The following SLC24A2 variants were observed in gnomAD, a reference collection of about 807,000 sequenced individuals.
SLC24A2 encodes sodium/potassium/calcium exchanger 2.
A neutral mutation model predicts 62.0 loss-of-function variants in SLC24A2; 36 were observed. The observed-to-expected ratio is 0.58, with a 90% CI of 0.44 to 0.77. SLC24A2 has a LOEUF of 0.77. Among genes scored for constraint, SLC24A2 ranks in the 30% least tolerant of loss-of-function variants. SLC24A2 has a pLI of 0.00. For synonymous variants in SLC24A2, 358 were observed against 294.0 expected, an observed-to-expected ratio of 1.22 and a Z score of -2.23; for missense variants, 846 against 817.9, an observed-to-expected ratio of 1.03 and a Z score of -0.42.
At chr9:19,615,994 GCACA>G (rs3220155) in intron 4 of SLC24A2, among the ~76,000 whole-genome samples, 58,332 of 140,582 alleles carry the variant, frequency 0.41, 12,543 homozygotes, top group Admixed American at 0.51. Flanking sequence ...TCACAGGCGT[GCACA>G]CACACACACA....
chr9:20,181,823 G>C, the SLC24A2 span, among the ~76,000 whole-genome samples: 1 of 152,170 alleles, frequency 6.6e-6, no homozygotes, highest in South Asian at 2.1e-4. Context: ...CACAGCAAAA[G>C]AAATTATCAG....
intron 9 of SLC24A2, 33 bp downstream of exon 9, chr9:19,528,012 AAAAC>A: frequency 7.7e-7 from 1 of 1,300,124 alleles, no homozygotes; most frequent in Non-Finnish European, 1.1e-6. Context: ...GGACTGGAGA[AAAAC>A]AAGGCAGAGG....
intron 2 of SLC24A2, among the ~76,000 whole-genome samples, chr9:19,637,187 A>C (rs1358367259): frequency 6.6e-6 from 1 of 152,242 alleles, no homozygotes; most frequent in Non-Finnish European, 1.5e-5. Flanking sequence ...AGAACAGAGT[A>C]GAAGGCAGCA....
At position 19,732,208 on chromosome 9, in the gene SLC24A2, C is replaced by G. The variant is rs1025868914; in HGVS notation, c.930+53729G>C. 2.6e-5 allele frequency among the ~76,000 whole-genome samples: 4 copies of G among 152,286 alleles called. No individual in the cohort carries two copies. The South Asian group carries it at 6.2e-4, about 24-fold the overall frequency. ...CTATGGTCAGCCCAGCCCCTGACCC[C>G]TAGTGGGCACATTATGTCTGCTGCC... On this transcript the variant is annotated intron_variant, in intron 2 of 10. Transcript: ENST00000341998.
intron 2 of SLC24A2, among the ~76,000 whole-genome samples, chr9:19,626,209 A>C (rs1480708294): frequency 6.6e-6 from 1 of 152,206 alleles, no homozygotes; most frequent in Non-Finnish European, 1.5e-5. Context: ...GGATCTTTGT[A>C]CATAGCCTTT....
intron 9 of SLC24A2, among the ~76,000 whole-genome samples, chr9:19,523,909 A>G (rs148431868): frequency 1.4e-3 from 213 of 152,298 alleles, no homozygotes; most frequent in African/African-American, 5.0e-3. Flanking sequence ...ATTAGACATC[A>G]AACCCCTGGT....
the SLC24A2 span, among the ~76,000 whole-genome samples, chr9:19,868,221 A>G: frequency 6.6e-6 from 1 of 152,158 alleles, no homozygotes; most frequent in East Asian, 1.9e-4. Context: ...CATTAATTCA[A>G]TGTATTTTTG....
At chr9:19,581,403 A>C (rs998032575) in intron 5 of SLC24A2, among the ~76,000 whole-genome samples, 1 of 152,002 alleles carries the variant, frequency 6.6e-6, no homozygotes, top group African/African-American at 2.4e-5. Flanking sequence ...AGCAAAATGG[A>C]TTTGCTCAAA....
chr9:19,550,005 T>A (rs1315882474), intron 8 of SLC24A2, 132 bp downstream of exon 8: 3 of 856,500 alleles, frequency 3.5e-6, no homozygotes, highest in Non-Finnish European at 5.9e-6. Flanking sequence ...TTGTACCTAT[T>A]TATGGGGTAT....
the SLC24A2 span, among the ~76,000 whole-genome samples, chr9:19,821,493 G>A: frequency 6.6e-6 from 1 of 152,038 alleles, no homozygotes; most frequent in South Asian, 2.1e-4. Context: ...AACGAGAACA[G>A]GACTGGCTGA....
Position 19,507,560 on chromosome 9 carries a change from T to C in SLC24A2, c.*8593A>G, listed in dbSNP as rs1832546572. On this transcript the variant is annotated 3_prime_UTR_variant, in exon 11 of 11. Coordinates refer to ENST00000341998, the MANE Select transcript of SLC24A2 (RefSeq NM_020344.4). ...ATTATCAGTAGTAGAAGCACAAAGGTATGGACAGTGAAACAAGAAGAAACA... is the reference window on the plus strand; with the variant it reads ...ATTATCAGTAGTAGAAGCACAAAGGCATGGACAGTGAAACAAGAAGAAACA... 6.6e-6 allele frequency: 1 copy of C among 152,162 alleles called. No individual in the cohort carries two copies. The highest frequency in any genetic ancestry group is 2.4e-5 in the African/African-American group (1 of 41,430). 9.4% of individuals were successfully genotyped at this position (152,162 alleles called of 1,614,324 possible).
chr9:20,019,263 GAA>G, the SLC24A2 span, among the ~76,000 whole-genome samples: 34 of 136,060 alleles, frequency 2.5e-4, no homozygotes, highest in East Asian at 8.2e-4. Flanking sequence ...GAGAAAGAAA[GAA>G]AGAAAGAAAG....
chr9:19,929,922 T>G, the SLC24A2 span: 2 of 152,032 alleles, frequency 1.3e-5, no homozygotes, highest in African/African-American at 4.8e-5. Flanking sequence ...ATTAAAAATT[T>G]TAAACAGAAA....
At chr9:19,572,537 T>C (rs1586981493) in intron 7 of SLC24A2, among the ~76,000 whole-genome samples, 1 of 152,272 alleles carries the variant, frequency 6.6e-6, no homozygotes, top group East Asian at 1.9e-4. Context: ...TCTTTTTCTT[T>C]CCTGCTCTGC....
At chr9:19,924,184 G>A in the SLC24A2 span, among the ~76,000 whole-genome samples, 1 of 152,316 alleles carries the variant, frequency 6.6e-6, no homozygotes, top group African/African-American at 2.4e-5. Context: ...TTCAGGCAAT[G>A]GGTGTTACTA....
the SLC24A2 span, among the ~76,000 whole-genome samples, chr9:20,115,138 G>A: frequency 6.6e-6 from 1 of 152,128 alleles, no homozygotes. Flanking sequence ...GGGCTCTGGG[G>A]AAAGTGGCAG....
At chr9:20,011,435 T>C in the SLC24A2 span, among the ~76,000 whole-genome samples, 1 of 152,196 alleles carries the variant, frequency 6.6e-6, no homozygotes, top group African/African-American at 2.4e-5. Context: ...AAAAGACATT[T>C]TCAACAGCAG....
chr9:19,549,810 A>G (rs1834756315), intron 8 of SLC24A2, among the ~76,000 whole-genome samples: 1 of 152,228 alleles, frequency 6.6e-6, no homozygotes, highest in Admixed American at 6.5e-5. Context: ...CTTGATCGAC[A>G]GGATCCAAGA....
chr9:19,763,386 T>C (rs772006847), intron 2 of SLC24A2, among the ~76,000 whole-genome samples: 1 of 152,218 alleles, frequency 6.6e-6, no homozygotes, highest in Non-Finnish European at 1.5e-5. Context: ...GGCATCGTTG[T>C]CTTGTGCCAG....
Sources: allele counts gnomAD v4.1 joint callset (sites outside exome capture counted in the v4.1 genomes callset), GRCh38; gene constraint gnomAD v4.1.1; transcripts MANE v1.5; gene names NCBI Gene and HGNC (gene_info 2026-07-23, HGNC 2026-07-21).